Variants in IGSF11 observed in about 807,000 individuals in gnomAD.
IGSF11 encodes the protein immunoglobulin superfamily member 11, also known as CXADR like 1.
Under a neutral mutation model 41.0 loss-of-function variants are expected in IGSF11, and 22 were observed. The observed-to-expected ratio is 0.54, with a 90% CI of 0.38 to 0.77. The LOEUF is 0.77. Among genes scored for constraint, IGSF11 ranks in the 30% least tolerant of loss-of-function variants. The pLI, the probability that IGSF11 is intolerant of heterozygous loss-of-function variation, is 0.00. For missense variants in IGSF11, 444 were observed against 530.8 expected (o/e 0.84, Z 1.61); for synonymous variants, 219 against 201.3 (o/e 1.09, Z -0.74).
At chr3:119,096,708 C>G (rs932635818) in intron 1 of IGSF11, among the ~76,000 whole-genome samples, 1 of 152,176 alleles carries the variant, frequency 6.6e-6, no homozygotes, top group African/African-American at 2.4e-5. Flanking sequence ...TCAAACATGA[C>G]TTTACTAAAT....
At chr3:118,930,644 T>C (rs1283509404) in intron 1 of IGSF11, among the ~76,000 whole-genome samples, 4 of 152,190 alleles carry the variant, frequency 2.6e-5, no homozygotes, top group Admixed American at 2.6e-4. Context: ...AATTAAATGC[T>C]TACATATAAA....
intron 1 of IGSF11, among the ~76,000 whole-genome samples, chr3:119,064,554 T>C (rs956303361): frequency 7.1e-6 from 1 of 140,810 alleles, no homozygotes; most frequent in African/African-American, 2.6e-5. Flanking sequence ...TTAGGAATCA[T>C]CACCTCAATT....
chr3:119,098,135 G>T (rs1469635434), intron 1 of IGSF11, among the ~76,000 whole-genome samples: 1 of 151,548 alleles, frequency 6.6e-6, no homozygotes, highest in East Asian at 1.9e-4. Context: ...AGCTTATGTG[G>T]GAAACAGTAT....
rs1347937154 is a variant in IGSF11, at chr3:118,901,272, A to C, written c.*1248T>G. 2.0e-5 allele frequency: 3 copies of C among 152,266 alleles called. No individual in the cohort carries two copies. Among genetic ancestry groups the C allele is most frequent in the Non-Finnish European group, 4.4e-5 (3 of 68,080 alleles). The allele number at this position is 152,266 out of a possible 1,614,324, so 9.4% of individuals were successfully genotyped here. On this transcript the variant is annotated 3_prime_UTR_variant, in exon 7 of 7. Transcript: ENST00000393775. ...CAAGCCAGGTAGTAACCACAAAAGT[A>C]ATCTCTTTACAGTGATGTAAAATGC... is the stretch of plus-strand genomic sequence containing the variant.
Position 118,960,469 on chromosome 3 carries a change from C to T in IGSF11, c.53-30194G>A, listed in dbSNP as rs866718223. ...TAAAATTCCATAAAATGTATTTTAT[C>T]ATATACGTATGTATAAAATGTATCC... On this transcript the variant is annotated intron_variant, in intron 1 of 6. Transcript: ENST00000393775. Among the ~76,000 whole-genome samples the T allele has an allele frequency of 1.0e-3, 154 of 152,194 alleles. 1 individual carries two copies. The highest frequency in any genetic ancestry group is 3.7e-3 in the African/African-American group (152 of 41,534).
intron 1 of IGSF11, among the ~76,000 whole-genome samples, chr3:118,953,704 T>C (rs746047650): frequency 1.3e-5 from 2 of 152,182 alleles, no homozygotes; most frequent in Non-Finnish European, 2.9e-5. Flanking sequence ...TATGTCTTCT[T>C]TGGCAAATTG....
At chr3:118,954,531 T>A (rs1355846623) in intron 1 of IGSF11, among the ~76,000 whole-genome samples, 1 of 152,136 alleles carries the variant, frequency 6.6e-6, no homozygotes, top group East Asian at 1.9e-4. Context: ...TGCTAATATT[T>A]TGACTTCCTC....
chr3:119,038,580 C>A (rs1206701748), upstream of IGSF11, among the ~76,000 whole-genome samples: 1 of 152,128 alleles, frequency 6.6e-6, no homozygotes, highest in African/African-American at 2.4e-5. Flanking sequence ...TGAATTAATT[C>A]TAATAGCAAA....
At chr3:119,037,323 G>T (rs180990847), upstream of IGSF11, among the ~76,000 whole-genome samples, 249 of 152,172 alleles carry the variant, frequency 1.6e-3, 2 homozygotes, top group African/African-American at 5.2e-3. Flanking sequence ...GCAAACCCAG[G>T]GGGGATGGGT....
At chr3:118,964,486 C>T (rs1388171413) in intron 1 of IGSF11, among the ~76,000 whole-genome samples, 1 of 152,016 alleles carries the variant, frequency 6.6e-6, no homozygotes, top group South Asian at 2.1e-4. Flanking sequence ...AAGGTAAGTA[C>T]ACACTTTACA....
intron 1 of IGSF11, among the ~76,000 whole-genome samples, chr3:118,965,928 T>G (rs113877193): frequency 6.6e-6 from 1 of 151,808 alleles, no homozygotes; most frequent in African/African-American, 2.4e-5. Flanking sequence ...GTGGATGAGT[T>G]CTGGGTATGG....
intron 1 of IGSF11, among the ~76,000 whole-genome samples, chr3:119,114,148 C>A (rs775361380): frequency 3.3e-5 from 5 of 152,228 alleles, no homozygotes; most frequent in Non-Finnish European, 7.3e-5. Flanking sequence ...GCAAAGGTAT[C>A]TAAAATGCCT....
chr3:118,965,049 A>G lies in IGSF11; in HGVS notation c.53-34774T>C, dbSNP rs1033458114. Among the ~76,000 whole-genome samples the G allele has an allele frequency of 2.0e-5, 3 of 152,196 alleles. No homozygotes were observed. The East Asian group carries it at 5.8e-4, about 29-fold the overall frequency. ...CAGAGTTGACAAGAATTCAAGGGCT[A>G]GGCCACAAGCAGATCTTAGATTCAG... On this transcript the variant is annotated intron_variant, in intron 1 of 6. Coordinates refer to ENST00000393775, the MANE Select transcript of IGSF11 (RefSeq NM_001015887.3).
intron 1 of IGSF11, chr3:119,105,057 T>C (rs1212023896): frequency 2.6e-6 from 2 of 781,066 alleles, no homozygotes. Flanking sequence ...TAGAAGTTAG[T>C]ATCACAAAAA....
At chr3:118,968,201 T>C (rs754116313) in intron 1 of IGSF11, among the ~76,000 whole-genome samples, 1 of 152,238 alleles carries the variant, frequency 6.6e-6, no homozygotes, top group Non-Finnish European at 1.5e-5. Flanking sequence ...ATGGGTTTTA[T>C]GTTCTTTTCT....
intron 2 of IGSF11, among the ~76,000 whole-genome samples, chr3:118,929,590 A>G (rs891674090): frequency 5.3e-5 from 8 of 152,188 alleles, no homozygotes; most frequent in African/African-American, 1.9e-4. Context: ...TTTTTCCTGT[A>G]ATTGATACAG....
chr3:118,946,191 TACACACACACACGCACACAC>T (rs902039092), intron 1 of IGSF11, among the ~76,000 whole-genome samples: 8 of 147,162 alleles, frequency 5.4e-5, no homozygotes, highest in African/African-American at 2.0e-4. Flanking sequence ...AACCATTGGC[TACACACACACACGCACACAC>T]ACACACACAC....
intron 4 of IGSF11, among the ~76,000 whole-genome samples, chr3:118,914,327 C>T (rs1270683683): frequency 6.6e-6 from 1 of 151,940 alleles, no homozygotes; most frequent in African/African-American, 2.4e-5. Context: ...GTGATTTCTG[C>T]ATTTCCATCT....
intron 1 of IGSF11, among the ~76,000 whole-genome samples, chr3:118,943,608 AC>A (rs1255162198): frequency 6.6e-5 from 10 of 152,192 alleles, no homozygotes; most frequent in Non-Finnish European, 4.4e-5. Context: ...TTTCTAAAGG[AC>A]TTCTGAAAAT....
Sources: allele counts gnomAD v4.1 joint callset (sites outside exome capture counted in the v4.1 genomes callset), GRCh38; gene constraint gnomAD v4.1.1; transcripts MANE v1.5; gene names NCBI Gene and HGNC (gene_info 2026-07-23, HGNC 2026-07-21).